Variants in CREB5 observed in about 807,000 individuals in gnomAD.
CREB5 encodes cAMP responsive element binding protein 5.
A neutral mutation model predicts 57.1 loss-of-function variants in CREB5; 19 were observed. The observed-to-expected ratio is 0.33, with a 90% CI of 0.23 to 0.49. The LOEUF (loss-of-function observed/expected upper bound fraction) is 0.49. CREB5 is among the 20% of genes least tolerant of loss of function. The pLI is 0.99. For missense variants in CREB5, 579 were observed against 671.6 expected, an observed-to-expected ratio of 0.86 and a Z score of 1.52; for synonymous variants, 238 against 238.3, an observed-to-expected ratio of 1.00 and a Z score of 0.01.
chr7:28,448,007 A>AGG (rs1789574192), intron 1 of CREB5, among the ~76,000 whole-genome samples: 2 of 152,172 alleles, frequency 1.3e-5, no homozygotes, highest in Admixed American at 1.3e-4. Flanking sequence ...TGTGTCTGTG[A>AGG]GGGTGTTGCC....
chr7:28,754,479 C>A (rs1805175661), intron 7 of CREB5, among the ~76,000 whole-genome samples: 1 of 152,218 alleles, frequency 6.6e-6, no homozygotes. Flanking sequence ...CCGTTTCCTA[C>A]TGCCCTGCCA....
intron 5 of CREB5, among the ~76,000 whole-genome samples, chr7:28,656,151 A>C (rs1799326117): frequency 6.6e-6 from 1 of 152,242 alleles, no homozygotes; most frequent in African/African-American, 2.4e-5. Context: ...TCACATAACA[A>C]CATCATAACA....
At chr7:28,445,552 CT>C (rs879648466) in intron 1 of CREB5, among the ~76,000 whole-genome samples, 361 of 142,970 alleles carry the variant, frequency 2.5e-3, no homozygotes, top group Admixed American at 2.9e-3. Context: ...TCTTCTTTTT[CT>C]TTTTTTTTTT....
chr7:28,601,783 T>G (rs559933933), intron 5 of CREB5, among the ~76,000 whole-genome samples: 1 of 152,192 alleles, frequency 6.6e-6, no homozygotes, highest in African/African-American at 2.4e-5. Context: ...TCTTGGAGAT[T>G]GTTAATTCAG....
chr7:28,810,847 T>C (rs1809073681), intron 9 of CREB5, among the ~76,000 whole-genome samples: 1 of 152,230 alleles, frequency 6.6e-6, no homozygotes, highest in Admixed American at 6.5e-5. Flanking sequence ...TGGAGATGGC[T>C]TGGGGTTTCC....
chr7:28,486,841 A>G (rs536229561), intron 1 of CREB5, among the ~76,000 whole-genome samples: 1 of 151,320 alleles, frequency 6.6e-6, no homozygotes, highest in Non-Finnish European at 1.5e-5. Context: ...GTGGTGGCTC[A>G]TGCTTGTAAT....
At chr7:28,621,082 C>A (rs1797773436) in intron 5 of CREB5, among the ~76,000 whole-genome samples, 1 of 151,464 alleles carries the variant, frequency 6.6e-6, no homozygotes, top group African/African-American at 2.4e-5. Flanking sequence ...CCATCAGAAC[C>A]AAGTGGCCTT....
intron 1 of CREB5, among the ~76,000 whole-genome samples, chr7:28,401,277 G>C (rs917529426): frequency 3.3e-5 from 5 of 152,040 alleles, no homozygotes; most frequent in Non-Finnish European, 5.9e-5. Context: ...ATTTTATAGA[G>C]TAGTGAATAC....
At chr7:28,413,709 C>A (rs1177919878) in intron 1 of CREB5, among the ~76,000 whole-genome samples, 5 of 152,142 alleles carry the variant, frequency 3.3e-5, no homozygotes, top group Non-Finnish European at 7.4e-5. Context: ...AAATTGGAAA[C>A]CATGCCCTTA....
intron 5 of CREB5, among the ~76,000 whole-genome samples, chr7:28,716,285 G>C (rs142461865): frequency 1.7e-3 from 263 of 152,242 alleles, no homozygotes; most frequent in African/African-American, 6.0e-3. Flanking sequence ...GATACAGAAT[G>C]TAAATGATGA....
chr7:28,367,856 A>C (rs1786621246), intron 1 of CREB5, among the ~76,000 whole-genome samples: 1 of 152,004 alleles, frequency 6.6e-6, no homozygotes, highest in African/African-American at 2.4e-5. Flanking sequence ...ACAACAAAGA[A>C]ACACAAAACA....
intron 4 of CREB5, among the ~76,000 whole-genome samples, chr7:28,534,360 C>T (rs982812189): frequency 6.6e-6 from 1 of 152,230 alleles, no homozygotes; most frequent in Non-Finnish European, 1.5e-5. Context: ...ACCCTGCGTC[C>T]TCCCCCGCGA....
At chr7:28,798,553 G>C (rs1456838306) in intron 7 of CREB5, among the ~76,000 whole-genome samples, 2 of 152,244 alleles carry the variant, frequency 1.3e-5, no homozygotes, top group Non-Finnish European at 2.9e-5. Context: ...GCCACACTCG[G>C]ATGGGAGGAG....
At chr7:28,727,018 G>A (rs1803369658) in intron 7 of CREB5, among the ~76,000 whole-genome samples, 1 of 151,618 alleles carries the variant, frequency 6.6e-6, no homozygotes, top group South Asian at 2.1e-4. Flanking sequence ...CCCCCAATTA[G>A]TAATTTCTAT....
chr7:28,621,707 G>A (rs150898738), intron 5 of CREB5, among the ~76,000 whole-genome samples: 56 of 152,226 alleles, frequency 3.7e-4, no homozygotes, highest in African/African-American at 1.2e-3. Context: ...TCTGTGGTGC[G>A]CTGTGAAGTC....
At position 28,642,967 on chromosome 7, in the gene CREB5, CACACACACACACACACACAT is replaced by C. The variant is rs1562544626; in HGVS notation, c.464+72450_464+72469del. Among the ~76,000 whole-genome samples, 217 of 93,784 alleles carry C rather than the reference CACACACACACACACACACAT, an allele frequency of 2.3e-3. 2 individuals carry two copies. The highest frequency in any genetic ancestry group is 3.8e-3 in the Non-Finnish European group (171 of 45,188). 61.5% of individuals were successfully genotyped at this position (93,784 alleles called of 152,430 possible). The stretch of plus-strand genomic sequence containing the variant: ...GGGTAGATTTACACACACACACACA[CACACACACACACACACACAT>C]ACACACACACACACACACACACACA... On this transcript the variant is annotated intron_variant, in intron 5 of 10. Coordinates refer to ENST00000357727, the MANE Select transcript of CREB5 (RefSeq NM_182898.4).
chr7:28,726,027 A>G (rs1453835439), intron 7 of CREB5, among the ~76,000 whole-genome samples: 2 of 152,226 alleles, frequency 1.3e-5, no homozygotes, highest in African/African-American at 2.4e-5. Context: ...ATACGTATGA[A>G]ATAAATCATA....
intron 4 of CREB5, among the ~76,000 whole-genome samples, chr7:28,534,747 T>A (rs1207046240): frequency 7.0e-6 from 1 of 142,626 alleles, no homozygotes; most frequent in Non-Finnish European, 1.6e-5. Context: ...ATTTATGTAG[T>A]GCTTATAGAA....
At chr7:28,722,967 A>C (rs903423851) in intron 6 of CREB5, among the ~76,000 whole-genome samples, 3 of 152,158 alleles carry the variant, frequency 2.0e-5, no homozygotes, top group African/African-American at 7.2e-5. Context: ...AAGGGAAGAG[A>C]CCTTTAAGGG....
Sources: allele counts gnomAD v4.1 joint callset (sites outside exome capture counted in the v4.1 genomes callset), GRCh38; gene constraint gnomAD v4.1.1; transcripts MANE v1.5; gene names NCBI Gene and HGNC (gene_info 2026-07-23, HGNC 2026-07-21).